ANK2: variants seen among roughly 807,000 people sequenced by gnomAD.
The protein encoded by ANK2 is ankyrin-2.
Under a neutral mutation model 360.5 loss-of-function variants are expected in ANK2, and 83 were observed. The observed-to-expected ratio is 0.23, with a 90% confidence interval of 0.19 to 0.28. The LOEUF is 0.28. ANK2 is among the 10% of genes least tolerant of loss of function. ANK2 has a pLI of 1.00. For synonymous variants in ANK2, 1,740 were observed against 1,759.5 expected, an observed-to-expected ratio of 0.99 and a Z score of 0.28; for missense variants, 4,201 against 4,795.7, an observed-to-expected ratio of 0.88 and a Z score of 3.66.
At chr4:112,936,091 G>A (rs1328642436) in intron 2 of ANK2, among the ~76,000 whole-genome samples, 6 of 152,158 alleles carry the variant, frequency 3.9e-5, no homozygotes, top group African/African-American at 1.4e-4. Flanking sequence ...GTCTGTCAGT[G>A]GCCACTGTCA....
the ANK2 span, among the ~76,000 whole-genome samples, chr4:112,728,824 T>C: frequency 3.5e-3 from 526 of 152,048 alleles, 2 homozygotes; most frequent in Non-Finnish European, 5.3e-3. Context: ...AGTAAGGAGA[T>C]TGAATCAATA....
the ANK2 span, among the ~76,000 whole-genome samples, chr4:112,760,438 T>C: frequency 6.6e-6 from 1 of 152,012 alleles, no homozygotes; most frequent in East Asian, 1.9e-4. Flanking sequence ...CCGCCCGCCT[T>C]GGCCTCCCAA....
Position 113,356,139 on chromosome 4 carries a change from C to G in ANK2, c.7521C>G (p.Ser2507=), listed in dbSNP as rs1426183386. 1 of 1,613,930 alleles carries G rather than the reference C, an allele frequency of 6.2e-7. No homozygotes were observed. The highest frequency in any genetic ancestry group is 1.3e-5 in the African/African-American group (1 of 74,900). ...TGACGGAAGTGGCCTCTGTGCGGTCCCGGCTACTCCGAGACCCTGATGGCA... is the reference window on the plus strand; with the variant it reads ...TGACGGAAGTGGCCTCTGTGCGGTCGCGGCTACTCCGAGACCCTGATGGCA... ...ELLTEVASVR[S]RLLRDPDGSA... Residue 2507 remains serine (S), a synonymous_variant, in exon 38 of 46, where the codon TCC becomes TCG. Coordinates refer to ENST00000357077, the MANE Select transcript of ANK2 (RefSeq NM_001148.6).
chr4:112,997,416 T>C (rs2048949701), intron 2 of ANK2, among the ~76,000 whole-genome samples: 1 of 152,132 alleles, frequency 6.6e-6, no homozygotes, highest in Non-Finnish European at 1.5e-5. Flanking sequence ...GCTCCTCCTC[T>C]ATCCTCCAAA....
chr4:113,367,612 G>A lies in ANK2; in HGVS notation c.11079G>A (p.Gln3693=), dbSNP rs751167505. ...QEELCTAQHK[Q]KEEQAVSKES... is the part of the protein sequence containing the mutation. ...AGTTATGCACTGCACAGCACAAGCA[G>A]AAAGAGGAGCAAGCTGTTTCTAAAG... is the stretch of plus-strand genomic sequence containing the variant. The change falls in exon 42 of 46, where the codon CAG becomes CAA. Residue 3693 remains glutamine, a synonymous_variant. Coordinates refer to ENST00000357077, the MANE Select transcript of ANK2 (RefSeq NM_001148.6). The A allele has an allele frequency of 1.9e-6, 3 of 1,613,890 alleles. No homozygotes were observed. Among genetic ancestry groups the A allele is most frequent in the East Asian group, 4.5e-5 (2 of 44,840 alleles).
chr4:113,334,054 A>G (rs956767207), intron 29 of ANK2, among the ~76,000 whole-genome samples: 4 of 152,224 alleles, frequency 2.6e-5, no homozygotes, highest in African/African-American at 9.6e-5. Flanking sequence ...AGTTTTGTAT[A>G]CAGCTAGACA....
intron 2 of ANK2, among the ~76,000 whole-genome samples, chr4:113,021,539 A>ACACACCCAC (rs34948422): frequency 9.2e-6 from 1 of 108,676 alleles, no homozygotes; most frequent in African/African-American, 3.7e-5. Context: ...CCCACACACA[A>ACACACCCAC]ACATATATAT....
Position 113,258,308 on chromosome 4 carries a change from C to T in ANK2, c.1288-5C>T, listed in dbSNP as rs370897593. On this transcript the variant is annotated splice_region_variant and splice_polypyrimidine_tract_variant and intron_variant, in intron 12 of 45. Transcript: ENST00000357077. ...GAGTAAAACTGCTGTTGCTTTGTTT[C>T]GCAGTCTGGCCTCACACCAATACAT... 1.4e-5 allele frequency: 22 copies of T among 1,613,734 alleles called. No individual in the cohort carries two copies. The highest frequency in any genetic ancestry group is 5.5e-5 in the South Asian group (5 of 91,072).
chr4:113,128,049 A>G (rs902358306), intron 1 of ANK2, among the ~76,000 whole-genome samples: 5 of 152,226 alleles, frequency 3.3e-5, no homozygotes, highest in African/African-American at 1.2e-4. Context: ...GTAAAAACAC[A>G]TTGCTTTATA....
chr4:113,293,198 T>G (rs1372245113), intron 21 of ANK2: 5 of 647,452 alleles, frequency 7.7e-6, no homozygotes, highest in Non-Finnish European at 1.4e-5. Context: ...AAGCGTCAAG[T>G]GCTTCTTATT....
chr4:113,027,245 A>G (rs187604863), intron 2 of ANK2, among the ~76,000 whole-genome samples: 1 of 151,898 alleles, frequency 6.6e-6, no homozygotes, highest in Non-Finnish European at 1.5e-5. Context: ...TAAAGTTATG[A>G]CTCATTATTT....
Position 113,369,813 on chromosome 4 carries a change from A to C in ANK2, c.11610+8A>C, listed in dbSNP as rs2154067468. The C allele has an allele frequency of 6.2e-7, 1 of 1,614,018 alleles. No individual in the cohort carries two copies. The highest frequency in any genetic ancestry group is 2.2e-5 in the East Asian group (1 of 44,876). On this transcript the variant is annotated splice_region_variant and intron_variant, in intron 43 of 45. Coordinates refer to ENST00000357077, the MANE Select transcript of ANK2 (RefSeq NM_001148.6). ...GATGCAGCTTTTGAAAAGGTAAGAC[A>C]TTCCTCTCCACTTTCTCGCCCACCT...
At chr4:113,178,599 G>T (rs887636672) in intron 2 of ANK2, among the ~76,000 whole-genome samples, 10 of 150,244 alleles carry the variant, frequency 6.7e-5, no homozygotes, top group African/African-American at 2.4e-4. Context: ...ATTCCCCAAA[G>T]TAAATGCAGT....
At chr4:113,176,615 A>T (rs985122822) in intron 2 of ANK2, among the ~76,000 whole-genome samples, 18 of 151,724 alleles carry the variant, frequency 1.2e-4, no homozygotes, top group Admixed American at 1.0e-3. Context: ...TTATTTATTT[A>T]TTTTTATTTT....
Position 113,357,006 on chromosome 4 carries a change from G to C in ANK2, c.8388G>C (p.Pro2796=), listed in dbSNP as rs369684289. ...CTGTCTCTTCAGGTCTACAGAGTCC[G>C]ACTGGTGATGATGTTGATGAACAGC... ...AAPVSSGLQS[P]TGDDVDEQPV... Residue 2796 remains proline (P), a synonymous_variant, in exon 38 of 46, where the codon CCG becomes CCC. Transcript: ENST00000357077. 1 of 1,613,984 alleles carries C rather than the reference G, an allele frequency of 6.2e-7. No individual in the cohort carries two copies. The highest frequency in any genetic ancestry group is 1.7e-5 in the Admixed American group (1 of 60,012).
intron 1 of ANK2, among the ~76,000 whole-genome samples, chr4:113,160,832 C>T (rs1351303178): frequency 5.3e-5 from 8 of 152,144 alleles, no homozygotes; most frequent in South Asian, 4.1e-4. Flanking sequence ...TATTTATAAA[C>T]GATTGAATGT....
the ANK2 span, among the ~76,000 whole-genome samples, chr4:112,745,482 TA>T: frequency 6.6e-6 from 1 of 151,600 alleles, no homozygotes; most frequent in Non-Finnish European, 1.5e-5. Flanking sequence ...AAATGTACAA[TA>T]ATTTATTGTT....
In ANK2 at chr4:113,266,801, C is replaced by G. The variant is rs576307342; in HGVS notation, c.1485+1806C>G. 2.6e-5 allele frequency among the ~76,000 whole-genome samples: 4 copies of G among 152,168 alleles called. No homozygotes were observed. The East Asian group carries it at 5.8e-4, about 22-fold the overall frequency. ...CTGAGGCAGGAGAATCTCTTGAACC[C>G]GGGAGGCGGAGGTTGCGGTGAGCTG... On this transcript the variant is annotated intron_variant, in intron 14 of 45. Coordinates refer to ENST00000357077, the MANE Select transcript of ANK2 (RefSeq NM_001148.6).
At chr4:112,973,576 G>A (rs75685015) in intron 2 of ANK2, among the ~76,000 whole-genome samples, 3,109 of 152,292 alleles carry the variant, frequency 0.02, 89 homozygotes, top group African/African-American at 0.061. Context: ...GAGCTGGTAA[G>A]TGTTTTCTCA....
Sources: allele counts gnomAD v4.1 joint callset (sites outside exome capture counted in the v4.1 genomes callset), GRCh38; gene constraint gnomAD v4.1.1; transcripts MANE v1.5; gene names NCBI Gene and HGNC (gene_info 2026-07-23, HGNC 2026-07-21).